The following FGF13 variants were observed in gnomAD, a reference collection of about 807,000 sequenced individuals.
FGF13 encodes fibroblast growth factor 13, also known as fibroblast growth factor homologous factor 2.
FGF13 carries 2 observed loss-of-function variants against 19.5 expected under a neutral mutation model. That is an observed-to-expected ratio of 0.10 (90% CI 0.04 to 0.32). FGF13 has a LOEUF of 0.32. Among genes scored for constraint, FGF13 ranks in the 10% least tolerant of loss-of-function variants. The pLI, the probability that FGF13 is intolerant of heterozygous loss-of-function variation, is 1.00. For synonymous variants in FGF13, 72 were observed against 76.9 expected (o/e 0.94, Z 0.33); for missense variants, 113 against 192.7 (o/e 0.59, Z 2.45).
rs201886862 is a variant in FGF13 at position 138,862,529 on chromosome X, G to GAA, written c.-39+2046_-39+2047dup. On this transcript the variant is annotated intron_variant, in intron 2 of 2. Coordinates refer to the FGF13 transcript ENST00000421460. Reference sequence around the variant, plus strand: ...ACATCCTTACCTAATCAGAAAGAGAGAAAAAAAAATGGGGTAATTAGAGCA... The same window carrying GAA: ...ACATCCTTACCTAATCAGAAAGAGAGAAAAAAAAAAATGGGGTAATTAGAGCA... 3.7e-5 allele frequency among the ~76,000 whole-genome samples: 4 copies of GAA among 108,992 alleles called. No homozygotes were observed. The Admixed American group carries it at 3.9e-4, about 11-fold the overall frequency. The allele number at this position is 108,992 out of a possible 115,157, so 94.6% of individuals were successfully genotyped here.
chrX:138,716,364 G>C (rs760784305), upstream of FGF13: 1 of 111,970 alleles, frequency 8.9e-6, no homozygotes, highest in East Asian at 2.8e-4. Context: ...CAAAGGCTCA[G>C]AGAAACAACT....
At position 138,958,580 on chromosome X, in the gene FGF13, A is replaced by T. The variant is rs184608741; in HGVS notation, c.-112-93930T>A. Reference sequence around the variant, plus strand: ...TCCTTCTTTTTCTATTGATTGGAATAGTTTCAGAAGGAATGGTATCAGCTC... The same window carrying T: ...TCCTTCTTTTTCTATTGATTGGAATTGTTTCAGAAGGAATGGTATCAGCTC... On this transcript the variant is annotated intron_variant, in intron 1 of 2. Coordinates refer to the FGF13 transcript ENST00000421460. Among the ~76,000 whole-genome samples, 72 of 112,049 alleles carry T rather than the reference A, an allele frequency of 6.4e-4. 1 individual carries two copies. Among genetic ancestry groups the T allele is most frequent in the African/African-American group, 2.0e-3 (61 of 30,832 alleles).
chrX:139,074,932 T>C (rs1208344639), intron 1 of FGF13, among the ~76,000 whole-genome samples: 1 of 109,979 alleles, frequency 9.1e-6, no homozygotes, highest in Non-Finnish European at 1.9e-5. Context: ...TCATATTCCT[T>C]GTTTATACCT....
At chrX:138,895,411 A>G (rs926779536) in intron 1 of FGF13, among the ~76,000 whole-genome samples, 12 of 112,261 alleles carry the variant, frequency 1.1e-4, no homozygotes, top group African/African-American at 3.2e-4. Flanking sequence ...AAAGGATTCA[A>G]ATAGACATTT....
intron 3 of FGF13, among the ~76,000 whole-genome samples, chrX:138,803,561 C>T (rs1321000754): frequency 8.9e-6 from 1 of 112,096 alleles, no homozygotes; most frequent in African/African-American, 3.2e-5. Flanking sequence ...GATTTCCATC[C>T]TCACAGCCTA....
rs1447817529 is a variant in FGF13, at chrX:138,616,855, C to T, written c.*15995G>A. The T allele has an allele frequency of 2.7e-5, 3 of 112,207 alleles. No individual in the cohort carries two copies. The highest frequency in any genetic ancestry group is 5.6e-5 in the Non-Finnish European group (3 of 53,281). The allele number at this position is 112,207 out of a possible 1,213,427, so 9.2% of individuals were successfully genotyped here. ...AAGCTGCCAAAGCTTGGGGATTGCA[C>T]TCTCTGAAACAATGGCCTGAGCTGT... On this transcript the variant is annotated 3_prime_UTR_variant, in exon 5 of 5. Transcript: ENST00000315930.
At chrX:139,078,294 A>T (rs17284663) in intron 1 of FGF13, among the ~76,000 whole-genome samples, 10,001 of 109,643 alleles carry the variant, frequency 0.091, 390 homozygotes, top group South Asian at 0.19. Flanking sequence ...GCATGCTAAC[A>T]CTTCTGTTGC....
chrX:138,963,294 A>G (rs1240013015), intron 1 of FGF13, among the ~76,000 whole-genome samples: 5 of 113,140 alleles, frequency 4.4e-5, no homozygotes, highest in Non-Finnish European at 7.5e-5. Flanking sequence ...TTTGAGGAAC[A>G]TATCACCTGG....
intron 3 of FGF13, among the ~76,000 whole-genome samples, chrX:138,847,835 G>A (rs1007939694): frequency 6.3e-5 from 7 of 111,599 alleles, no homozygotes; most frequent in Admixed American, 5.7e-4. Flanking sequence ...ATGATAAGAG[G>A]GCAATGCCTC....
chrX:138,862,581 T>C (rs2091294638), intron 2 of FGF13, among the ~76,000 whole-genome samples: 1 of 111,990 alleles, frequency 8.9e-6, no homozygotes, highest in Admixed American at 9.5e-5. Context: ...ACTGAGCACC[T>C]GTCATGCTGA....
chrX:138,906,104 T>C (rs2124217812), intron 1 of FGF13, among the ~76,000 whole-genome samples: 1 of 111,734 alleles, frequency 8.9e-6, no homozygotes, highest in East Asian at 2.8e-4. Context: ...AAGTGAATGC[T>C]CAGTCTGATA....
rs140015300 is a variant in FGF13 at position 139,104,457 on chromosome X, A to G, written c.-113+98959T>C. Among the ~76,000 whole-genome samples, 918 of 110,726 alleles carry G rather than the reference A, an allele frequency of 8.3e-3. 10 individuals carry two copies. Among genetic ancestry groups the G allele is most frequent in the African/African-American group, 0.029 (873 of 30,444 alleles). ...TGGCTACCCAAAGGTAACCAGGAATATTGGGCAGCACTGGACTACTCTGCC... is the reference window on the plus strand; with the variant it reads ...TGGCTACCCAAAGGTAACCAGGAATGTTGGGCAGCACTGGACTACTCTGCC... On this transcript the variant is annotated intron_variant, in intron 1 of 2. Transcript: ENST00000421460.
intron 1 of FGF13, among the ~76,000 whole-genome samples, chrX:139,004,442 T>A (rs1351000295): frequency 8.9e-6 from 1 of 112,389 alleles, no homozygotes; most frequent in African/African-American, 3.2e-5. Context: ...GGGAGTGGGC[T>A]CCAGCCTTGG....
intron 1 of FGF13, among the ~76,000 whole-genome samples, chrX:138,890,872 G>A (rs930143928): frequency 2.7e-5 from 3 of 112,133 alleles, no homozygotes; most frequent in Non-Finnish European, 5.6e-5. Flanking sequence ...TTCAATGGAT[G>A]TATGTTTCTG....
intron 3 of FGF13, among the ~76,000 whole-genome samples, chrX:138,818,375 T>C (rs1369300301): frequency 9.1e-6 from 1 of 109,921 alleles, no homozygotes; most frequent in African/African-American, 3.3e-5. Flanking sequence ...GCTATGTCCA[T>C]ACGAAGGAAT....
At chrX:138,804,392 T>C (rs1267901248) in intron 3 of FGF13, among the ~76,000 whole-genome samples, 1 of 112,267 alleles carries the variant, frequency 8.9e-6, no homozygotes, top group Non-Finnish European at 1.9e-5. Context: ...TTATCTGTCA[T>C]ATGTCACCTT....
chrX:138,933,298 A>C (rs886711729), intron 1 of FGF13, among the ~76,000 whole-genome samples: 1 of 111,742 alleles, frequency 8.9e-6, no homozygotes. Flanking sequence ...GAAAACCAAA[A>C]ATATTTGGAG....
At chrX:138,825,499 C>T (rs917676337) in intron 3 of FGF13, among the ~76,000 whole-genome samples, 3 of 111,559 alleles carry the variant, frequency 2.7e-5, no homozygotes, top group Non-Finnish European at 5.6e-5. Context: ...GCAACTCTTT[C>T]ATTCTTTACT....
In FGF13 at chrX:138,849,685, T is replaced by C. The variant is rs769672647; in HGVS notation, c.217+7827A>G. On this transcript the variant is annotated intron_variant, in intron 3 of 6. Coordinates refer to the FGF13 transcript ENST00000436198. ...CCAGAAGGCAGAATTTCTTAAGTGG[T>C]TTACCAACTGGCTGGGAAGAGAAAA... is the stretch of plus-strand genomic sequence containing the variant. Among the ~76,000 whole-genome samples, 3 of 111,430 alleles carry C rather than the reference T, an allele frequency of 2.7e-5. No individual in the cohort carries two copies. The South Asian group carries it at 1.1e-3, about 42-fold the overall frequency.
Sources: allele counts gnomAD v4.1 joint callset (sites outside exome capture counted in the v4.1 genomes callset), GRCh38; gene constraint gnomAD v4.1.1; transcripts MANE v1.5; gene names NCBI Gene and HGNC (gene_info 2026-07-23, HGNC 2026-07-21).